The following ADGRL2 variants were observed in gnomAD, a reference collection of about 807,000 sequenced individuals.
The protein encoded by ADGRL2 is calcium-independent alpha-latrotoxin receptor 2.
ADGRL2 carries 44 observed loss-of-function variants against 157.4 expected under a neutral mutation model. That is an observed-to-expected ratio of 0.28 (90% CI 0.22 to 0.36). ADGRL2 has a LOEUF of 0.36. Ranked by LOEUF, ADGRL2 falls within the 10% of genes least tolerant of loss-of-function variation. ADGRL2 has a pLI of 1.00. For synonymous variants in ADGRL2, 585 were observed against 624.7 expected (o/e 0.94, Z 0.95); for missense variants, 1,510 against 1,768.9 (o/e 0.85, Z 2.63).
chr1:81,970,224 G>T, intron 15 of ADGRL2, 90 bp from the exon 16 acceptor site: 1 of 847,972 alleles, frequency 1.2e-6, no homozygotes, highest in South Asian at 1.4e-5. Flanking sequence ...AAATAATAGT[G>T]ATTTCTCTTA....
intron 9 of ADGRL2, among the ~76,000 whole-genome samples, chr1:81,952,667 G>A (rs190693040): frequency 6.6e-6 from 1 of 152,042 alleles, no homozygotes; most frequent in Admixed American, 6.6e-5. Context: ...CACACTATAA[G>A]TGTTTATATT....
intron 3 of ADGRL2, among the ~76,000 whole-genome samples, chr1:81,612,593 G>A (rs925296938): frequency 2.6e-5 from 4 of 151,950 alleles, no homozygotes; most frequent in Non-Finnish European, 5.9e-5. Flanking sequence ...TCTCCCATGT[G>A]TTTGAGGTGG....
At chr1:81,574,380 C>T (rs2080756064) in intron 2 of ADGRL2, among the ~76,000 whole-genome samples, 1 of 152,084 alleles carries the variant, frequency 6.6e-6, no homozygotes, top group African/African-American at 2.4e-5. Context: ...TGGGGTGAAG[C>T]CCAGCCTCTA....
intron 2 of ADGRL2, among the ~76,000 whole-genome samples, chr1:81,559,530 T>A (rs564843711): frequency 6.6e-6 from 1 of 152,252 alleles, no homozygotes; most frequent in South Asian, 2.1e-4. Context: ...AAATAGAATT[T>A]ATAAGAATAA....
Position 81,487,032 on chromosome 1 carries a change from G to A in ADGRL2, c.-248+41943G>A, listed in dbSNP as rs575526533. ...GAACTTTGAGAGGCTGAGGCAGGAG[G>A]ATCACTTGAGCCAGGAATTGGAGAC... On this transcript the variant is annotated intron_variant, in intron 2 of 24. Coordinates refer to the ADGRL2 transcript ENST00000370721. Among the ~76,000 whole-genome samples the A allele has an allele frequency of 9.6e-4, 138 of 143,982 alleles. 1 individual carries two copies. The highest frequency in any genetic ancestry group is 3.5e-3 in the African/African-American group (136 of 39,202). 94.5% of individuals were successfully genotyped at this position (143,982 alleles called of 152,430 possible). A position where few individuals can be genotyped will look rare whatever the true frequency, so the allele number is the denominator to read the frequency against.
At chr1:81,366,966 C>T (rs2076077583) in intron 1 of ADGRL2, among the ~76,000 whole-genome samples, 1 of 152,154 alleles carries the variant, frequency 6.6e-6, no homozygotes, top group Non-Finnish European at 1.5e-5. Context: ...TGATCTTAAT[C>T]ACCCTCTGAA....
At chr1:81,333,442 G>C (rs1661414474) in intron 1 of ADGRL2, among the ~76,000 whole-genome samples, 1 of 151,820 alleles carries the variant, frequency 6.6e-6, no homozygotes, top group Admixed American at 6.6e-5. Flanking sequence ...TTGAGACGGA[G>C]TCTCACTCTA....
intron 2 of ADGRL2, among the ~76,000 whole-genome samples, chr1:81,839,803 T>A (rs1366450275): frequency 6.8e-6 from 1 of 146,294 alleles, no homozygotes; most frequent in East Asian, 2.0e-4. Flanking sequence ...ATATATATAT[T>A]TTCCATCATA....
intron 2 of ADGRL2, among the ~76,000 whole-genome samples, chr1:81,882,751 G>A (rs1159093645): frequency 4.6e-5 from 7 of 152,078 alleles, no homozygotes; most frequent in Non-Finnish European, 2.9e-5. Flanking sequence ...ATTTTATGTG[G>A]GGCTTTATTT....
chr1:81,404,918 T>G (rs563883153), intron 1 of ADGRL2, among the ~76,000 whole-genome samples: 25 of 152,348 alleles, frequency 1.6e-4, no homozygotes, highest in Admixed American at 5.9e-4. Context: ...TTTATAGATT[T>G]GTATAATATC....
chr1:81,377,984 T>A (rs559111320), intron 1 of ADGRL2, among the ~76,000 whole-genome samples: 1 of 152,032 alleles, frequency 6.6e-6, no homozygotes, highest in Non-Finnish European at 1.5e-5. Context: ...ATCGAGATCA[T>A]CCTGGACAAC....
At chr1:81,341,869 C>T (rs534349952) in intron 1 of ADGRL2, among the ~76,000 whole-genome samples, 63 of 152,214 alleles carry the variant, frequency 4.1e-4, no homozygotes, top group African/African-American at 1.4e-3. Context: ...TTGAACTAAA[C>T]AAATACAAAT....
At chr1:81,949,194 T>C (rs961410937) in intron 6 of ADGRL2, among the ~76,000 whole-genome samples, 7 of 152,208 alleles carry the variant, frequency 4.6e-5, no homozygotes, top group African/African-American at 7.2e-5. Flanking sequence ...AATCTGTAAA[T>C]GTTGATACAA....
chr1:81,589,309 A>G (rs1323399571), intron 3 of ADGRL2, among the ~76,000 whole-genome samples: 2 of 152,124 alleles, frequency 1.3e-5, no homozygotes, highest in Non-Finnish European at 2.9e-5. Context: ...TAGAATGTCT[A>G]TACAGTCCCA....
At chr1:81,640,646 A>AATAAATAC (rs2082201988) in intron 3 of ADGRL2, among the ~76,000 whole-genome samples, 1 of 150,372 alleles carries the variant, frequency 6.7e-6, no homozygotes, top group African/African-American at 2.4e-5. Flanking sequence ...TAAATAAATA[A>AATAAATAC]ATAAATAAAT....
intron 1 of ADGRL2, among the ~76,000 whole-genome samples, chr1:81,810,786 G>T (rs576140842): frequency 6.6e-6 from 1 of 151,836 alleles, no homozygotes; most frequent in Non-Finnish European, 1.5e-5. Context: ...TTAAAGAGAT[G>T]AGCATAATTC....
chr1:81,786,743 A>G (rs1218000381), intron 2 of ADGRL2, among the ~76,000 whole-genome samples: 1 of 152,218 alleles, frequency 6.6e-6, no homozygotes, highest in Non-Finnish European at 1.5e-5. Context: ...GTGAAGGCTT[A>G]GCTTGTTTGC....
chr1:81,836,678 T>G (rs1483510969), intron 1 of ADGRL2, among the ~76,000 whole-genome samples: 1 of 152,106 alleles, frequency 6.6e-6, no homozygotes, highest in Non-Finnish European at 1.5e-5. Flanking sequence ...GCAATTTGAC[T>G]GTCAAAAAGG....
intron 3 of ADGRL2, among the ~76,000 whole-genome samples, chr1:81,668,806 G>C (rs1395354401): frequency 2.0e-5 from 3 of 151,850 alleles, no homozygotes; most frequent in Non-Finnish European, 2.9e-5. Flanking sequence ...CTGACCACTA[G>C]TGATCTGCCC....
Sources: gnomAD v4.1 joint callset for allele counts (sites outside exome capture counted in the v4.1 genomes callset) on GRCh38, gnomAD v4.1.1 for gene constraint, MANE v1.5 for transcripts, NCBI Gene and HGNC (gene_info 2026-07-23, HGNC 2026-07-21) for gene names.